GPC6: variants seen among roughly 807,000 people sequenced by gnomAD.
GPC6 encodes glypican 6.
In GPC6, 14 loss-of-function variants were observed where a neutral mutation model predicts 55.2. The observed-to-expected ratio is 0.25, with a 90% CI of 0.17 to 0.40. GPC6 has a LOEUF of 0.40. Ranked by LOEUF, GPC6 falls within the 10% of genes least tolerant of loss-of-function variation. The probability of loss-of-function intolerance (pLI) is 1.00; values close to 1 mark genes in which losing one functional copy is unlikely to be tolerated. For missense variants in GPC6, 641 were observed against 708.5 expected (o/e 0.90, Z 1.08); for synonymous variants, 278 against 259.6 (o/e 1.07, Z -0.68).
chr13:93,652,420 T>A (rs1462368697), intron 2 of GPC6, among the ~76,000 whole-genome samples: 1 of 152,198 alleles, frequency 6.6e-6, no homozygotes, highest in East Asian at 1.9e-4. Context: ...TATATGTGCA[T>A]TAACTGAACT....
chr13:93,999,359 C>T (rs1004190340), intron 3 of GPC6, among the ~76,000 whole-genome samples: 1 of 152,154 alleles, frequency 6.6e-6, no homozygotes, highest in Non-Finnish European at 1.5e-5. Flanking sequence ...AGGACATGAA[C>T]TCATCTTTTT....
intron 1 of GPC6, among the ~76,000 whole-genome samples, chr13:93,367,609 T>C (rs1021191473): frequency 1.3e-5 from 2 of 152,098 alleles, no homozygotes; most frequent in Non-Finnish European, 2.9e-5. Context: ...GTGCCACAAA[T>C]TTTTGATATG....
intron 2 of GPC6, among the ~76,000 whole-genome samples, chr13:93,561,477 G>C (rs1410189243): frequency 5.0e-5 from 7 of 140,946 alleles, no homozygotes; most frequent in Admixed American, 5.0e-4. Flanking sequence ...TTTTCCCCAG[G>C]AAACAAAAAT....
intron 1 of GPC6, among the ~76,000 whole-genome samples, chr13:93,363,117 G>GTTTTTTTTTTTTTTTTTTTTTTT (rs199840187): frequency 1.6e-5 from 2 of 126,012 alleles, no homozygotes; most frequent in East Asian, 2.3e-4. Flanking sequence ...CTTTTTTTTT[G>GTTTTTTTTTTTTTTTTTTTTTTT]TTTTTTTTTT....
intron 1 of GPC6, among the ~76,000 whole-genome samples, chr13:93,265,440 G>T (rs1206287728): frequency 6.6e-6 from 1 of 152,164 alleles, no homozygotes; most frequent in African/African-American, 2.4e-5. Flanking sequence ...ATTTCCGATG[G>T]CTCAGTATGC....
intron 2 of GPC6, among the ~76,000 whole-genome samples, chr13:93,784,271 GT>G (rs1885753451): frequency 6.6e-6 from 1 of 152,144 alleles, no homozygotes; most frequent in Non-Finnish European, 1.5e-5. Context: ...TCTTCCTGGA[GT>G]CCAGCTCACA....
At chr13:94,064,433 G>A (rs1349289637) in intron 4 of GPC6, among the ~76,000 whole-genome samples, 1 of 152,128 alleles carries the variant, frequency 6.6e-6, no homozygotes, top group Non-Finnish European at 1.5e-5. Context: ...CTCGAATGGG[G>A]TGCAGCATGG....
At chr13:94,058,421 G>A (rs1884205919) in intron 4 of GPC6, among the ~76,000 whole-genome samples, 2 of 152,052 alleles carry the variant, frequency 1.3e-5, no homozygotes, top group Admixed American at 1.3e-4. Context: ...ATATAACTTG[G>A]TGTGCTTGAA....
intron 6 of GPC6, among the ~76,000 whole-genome samples, chr13:94,351,351 G>T (rs1878533611): frequency 6.6e-6 from 1 of 152,084 alleles, no homozygotes; most frequent in Admixed American, 6.5e-5. Context: ...AGTATGCCTA[G>T]AGTGAGTCCC....
chr13:93,611,710 TTA>T (rs540687698), intron 2 of GPC6, among the ~76,000 whole-genome samples: 1 of 152,204 alleles, frequency 6.6e-6, no homozygotes, highest in Non-Finnish European at 1.5e-5. Flanking sequence ...TTGTTGTTGT[TTA>T]TCTCCTTTAG....
At chr13:94,376,735 T>A (rs1879878314) in intron 6 of GPC6, among the ~76,000 whole-genome samples, 1 of 152,168 alleles carries the variant, frequency 6.6e-6, no homozygotes, top group Non-Finnish European at 1.5e-5. Context: ...AGAGCCCGCA[T>A]CGCCAAGACA....
chr13:93,332,000 T>G (rs1879864562), intron 1 of GPC6, among the ~76,000 whole-genome samples: 1 of 152,166 alleles, frequency 6.6e-6, no homozygotes, highest in Non-Finnish European at 1.5e-5. Flanking sequence ...CTTAACATGA[T>G]GTCCTCCAGA....
chr13:93,515,506 A>G (rs1296074681), intron 1 of GPC6, among the ~76,000 whole-genome samples: 1 of 152,160 alleles, frequency 6.6e-6, no homozygotes, highest in East Asian at 1.9e-4. Flanking sequence ...GCCTCCACCA[A>G]TGGCTAACTT....
chr13:93,478,568 C>G (rs1454780806), intron 1 of GPC6, among the ~76,000 whole-genome samples: 1 of 152,176 alleles, frequency 6.6e-6, no homozygotes, highest in Admixed American at 6.5e-5. Flanking sequence ...AATACATCCT[C>G]CTCCTTCAGA....
chr13:93,393,208 G>T (rs1594138714), intron 1 of GPC6, among the ~76,000 whole-genome samples: 1 of 149,910 alleles, frequency 6.7e-6, no homozygotes, highest in South Asian at 2.1e-4. Flanking sequence ...GTGTGATCTT[G>T]GCTCACTGCA....
chr13:93,957,013 G>A (rs1173334949), intron 3 of GPC6, among the ~76,000 whole-genome samples: 1 of 151,970 alleles, frequency 6.6e-6, no homozygotes, highest in Non-Finnish European at 1.5e-5. Flanking sequence ...TCCCAAATTA[G>A]CCCAGGATCT....
At chr13:93,770,664 G>C (rs1206940205) in intron 2 of GPC6, among the ~76,000 whole-genome samples, 1 of 152,142 alleles carries the variant, frequency 6.6e-6, no homozygotes. Flanking sequence ...TCTATGGACT[G>C]TAATGATTTC....
chr13:93,479,656 G>A (rs144183973), intron 1 of GPC6, among the ~76,000 whole-genome samples: 26 of 152,168 alleles, frequency 1.7e-4, no homozygotes, highest in African/African-American at 5.5e-4. Flanking sequence ...AGGTGTGGTG[G>A]TATGCTATCA....
At chr13:93,350,078 G>A (rs1007904529) in intron 1 of GPC6, among the ~76,000 whole-genome samples, 7 of 152,190 alleles carry the variant, frequency 4.6e-5, no homozygotes, top group Non-Finnish European at 1.0e-4. Flanking sequence ...TGTGGAAATA[G>A]GCTGATCCCA....
Sources: allele counts gnomAD v4.1 joint callset (sites outside exome capture counted in the v4.1 genomes callset), GRCh38; gene constraint gnomAD v4.1.1; transcripts MANE v1.5; gene names NCBI Gene and HGNC (gene_info 2026-07-23, HGNC 2026-07-21).